The following CRB1 variants were observed in gnomAD, a reference collection of about 807,000 sequenced individuals.
CRB1 encodes protein crumbs homolog 1.
A neutral mutation model predicts 120.0 loss-of-function variants in CRB1; 83 were observed. That is an observed-to-expected ratio of 0.69 (90% CI 0.58 to 0.83). The LOEUF (loss-of-function observed/expected upper bound fraction) is 0.83. Ranked by LOEUF, CRB1 falls within the 40% of genes least tolerant of loss-of-function variation. The pLI is 0.00. For synonymous variants in CRB1, 625 were observed against 612.5 expected (o/e 1.02, Z -0.30); for missense variants, 1,699 against 1,687.6 (o/e 1.01, Z -0.12).
intron 1 of CRB1, among the ~76,000 whole-genome samples, chr1:197,292,486 A>C (rs1255867586): frequency 6.6e-6 from 1 of 152,136 alleles, no homozygotes; most frequent in Non-Finnish European, 1.5e-5. Flanking sequence ...AGGTACAAGG[A>C]GGAGCTGGTA....
the CRB1 span, among the ~76,000 whole-genome samples, chr1:197,216,622 A>G: frequency 6.6e-6 from 1 of 152,220 alleles, no homozygotes; most frequent in Non-Finnish European, 1.5e-5. Flanking sequence ...TTATGATTCA[A>G]AAGGATATAG....
At chr1:197,297,845 TAGAG>T (rs1204142331) in intron 1 of CRB1, among the ~76,000 whole-genome samples, 3 of 152,024 alleles carry the variant, frequency 2.0e-5, no homozygotes, top group Non-Finnish European at 2.9e-5. Context: ...TTTTAAGAGA[TAGAG>T]AGATAAGATA....
intron 4 of CRB1, among the ~76,000 whole-genome samples, chr1:197,347,939 C>T (rs909988937): frequency 6.9e-6 from 1 of 144,340 alleles, no homozygotes; most frequent in East Asian, 1.9e-4. Flanking sequence ...TTAAAGTTTA[C>T]ATATAGAGGA....
At chr1:197,307,267 G>A (rs774644833) in intron 1 of CRB1, among the ~76,000 whole-genome samples, 9 of 152,178 alleles carry the variant, frequency 5.9e-5, no homozygotes, top group South Asian at 4.1e-4. Context: ...AAAACCTTGA[G>A]CAAATTACTT....
intron 1 of CRB1, among the ~76,000 whole-genome samples, chr1:197,327,090 C>CAAAA (rs1263156732): frequency 3.0e-5 from 1 of 33,462 alleles, no homozygotes; most frequent in Non-Finnish European, 5.2e-5. Context: ...TTCTCACACA[C>CAAAA]CAAAAAAAAA....
the CRB1 span, among the ~76,000 whole-genome samples, chr1:197,219,858 G>A: frequency 4.6e-5 from 7 of 151,986 alleles, no homozygotes; most frequent in Admixed American, 3.3e-4. Flanking sequence ...CCTCATAAAC[G>A]GTTGTGTAGT....
intron 2 of CRB1, among the ~76,000 whole-genome samples, chr1:197,335,460 G>T (rs1376634113): frequency 6.6e-6 from 1 of 152,134 alleles, no homozygotes; most frequent in African/African-American, 2.4e-5. Flanking sequence ...TTGTGGGAGA[G>T]AAGAGTGAAA....
At chr1:197,449,518 C>T (rs1445014763) in intron 11 of CRB1, among the ~76,000 whole-genome samples, 1 of 152,136 alleles carries the variant, frequency 6.6e-6, no homozygotes, top group Non-Finnish European at 1.5e-5. Flanking sequence ...AGGCGCCGGC[C>T]ACCACGCCCG....
intron 8 of CRB1, 61 bp from the exon 9 acceptor site, chr1:197,434,645 G>A (rs534616962): frequency 8.0e-5 from 113 of 1,405,506 alleles, no homozygotes; most frequent in South Asian, 1.8e-4. Context: ...TATTAATAAC[G>A]GTAATTAAGC....
At position 197,322,042 on chromosome 1, in the gene CRB1, G is replaced by T. The variant is rs553939622; in HGVS notation, c.71-6380G>T. On this transcript the variant is annotated intron_variant, in intron 1 of 11. Transcript: ENST00000367400. ...TACAAAAATGCGAGAAAACTGTTGA[G>T]AGTTGCACTATCCAACACAGTAGCC... is the stretch of plus-strand genomic sequence containing the variant. Among the ~76,000 whole-genome samples the T allele has an allele frequency of 5.3e-5, 8 of 152,258 alleles. No individual in the cohort carries two copies. In the South Asian group the frequency reaches 1.7e-3, roughly 32 times the overall value.
At chr1:197,237,131 A>G in the CRB1 span, among the ~76,000 whole-genome samples, 1 of 151,784 alleles carries the variant, frequency 6.6e-6, no homozygotes, top group Non-Finnish European at 1.5e-5. Flanking sequence ...AGAAATTATC[A>G]GAAAAAAAAA....
At chr1:197,394,954 A>C (rs747121404) in intron 5 of CRB1, among the ~76,000 whole-genome samples, 2 of 152,172 alleles carry the variant, frequency 1.3e-5, no homozygotes, top group Non-Finnish European at 2.9e-5. Flanking sequence ...AGGCAACTAA[A>C]TAAATAAATA....
At chr1:197,366,304 T>A (rs1209500187) in intron 5 of CRB1, among the ~76,000 whole-genome samples, 1 of 152,160 alleles carries the variant, frequency 6.6e-6, no homozygotes, top group Admixed American at 6.5e-5. Context: ...ACATGCTATG[T>A]GTATTTATAG....
At chr1:197,328,359 G>A (rs748811426) in intron 1 of CRB1, 63 bp from the exon 2 acceptor site, 19 of 1,371,708 alleles carry the variant, frequency 1.4e-5, no homozygotes, top group Non-Finnish European at 1.8e-5. Flanking sequence ...AGGTCACAAA[G>A]AAAGATTTTT....
At position 197,421,688 on chromosome 1, in the gene CRB1, G is replaced by A; in HGVS notation, c.1860G>A (p.Met620Ile). Residue 620 changes from methionine to isoleucine, a missense_variant, in exon 6 of 12, where the codon ATG becomes ATA. By Grantham distance (10) the Met-to-Ile change is conservative (BLOSUM62 1). Coordinates refer to ENST00000367400, the MANE Select transcript of CRB1 (RefSeq NM_201253.3). ...NSFLGGLPVG[M>I]TSNGVALLNF... ...TTTTGGGTGGTTTACCAGTGGGAAT[G>A]ACCAGCAATGGTGTTGCTCTGCTTA... is the stretch of plus-strand genomic sequence containing the variant. 1 of 1,614,160 alleles carries A rather than the reference G, an allele frequency of 6.2e-7. No homozygotes were observed. The highest frequency in any genetic ancestry group is 1.1e-5 in the South Asian group (1 of 91,070).
chr1:197,439,044 G>A (rs1665302515), intron 10 of CRB1: 1 of 279,574 alleles, frequency 3.6e-6, no homozygotes, highest in Non-Finnish European at 6.9e-6. Flanking sequence ...TTGCCTCATA[G>A]AATTGCCTAC....
At chr1:197,292,151 C>G (rs989870201) in intron 1 of CRB1, among the ~76,000 whole-genome samples, 2 of 151,830 alleles carry the variant, frequency 1.3e-5, no homozygotes, top group African/African-American at 4.8e-5. Flanking sequence ...AAAAGATCAA[C>G]AAAATTGATA....
At chr1:197,251,259 A>G in the CRB1 span, among the ~76,000 whole-genome samples, 1 of 152,028 alleles carries the variant, frequency 6.6e-6, no homozygotes, top group Non-Finnish European at 1.5e-5. Flanking sequence ...TAATATATAA[A>G]ATACTTAAAG....
At chr1:197,453,402 TATATACTA>T (rs1666070990) in intron 11 of CRB1, among the ~76,000 whole-genome samples, 1 of 147,502 alleles carries the variant, frequency 6.8e-6, no homozygotes, top group South Asian at 2.1e-4. Context: ...ATAACATACT[TATATACTA>T]ATTTAGCATA....
Sources: gnomAD v4.1 joint callset for allele counts (sites outside exome capture counted in the v4.1 genomes callset) on GRCh38, gnomAD v4.1.1 for gene constraint, MANE v1.5 for transcripts, NCBI Gene and HGNC (gene_info 2026-07-23, HGNC 2026-07-21) for gene names.